The following CD96 variants were observed in gnomAD, a reference collection of about 807,000 sequenced individuals.
CD96 encodes the protein T-cell surface protein tactile.
In CD96, 70 loss-of-function variants were observed where a neutral mutation model predicts 71.3. That is an observed-to-expected ratio of 0.98 (90% CI 0.81 to 1.20). CD96 has a LOEUF of 1.20. Ranked by LOEUF, CD96 falls within the 50% of genes most tolerant of loss-of-function variation. The pLI, the probability that CD96 is intolerant of heterozygous loss-of-function variation, is 0.00. For synonymous variants in CD96, 248 were observed against 233.0 expected, an observed-to-expected ratio of 1.06 and a Z score of -0.59; for missense variants, 742 against 677.5, an observed-to-expected ratio of 1.10 and a Z score of -1.06.
At chr3:111,641,115 G>A (rs1194333848) in intron 12 of CD96, among the ~76,000 whole-genome samples, 1 of 152,110 alleles carries the variant, frequency 6.6e-6, no homozygotes, top group Non-Finnish European at 1.5e-5. Flanking sequence ...AGATAACAAA[G>A]AGCAAGATGA....
At chr3:111,658,755 A>G (rs899207760) in intron 14 of CD96, among the ~76,000 whole-genome samples, 1 of 152,224 alleles carries the variant, frequency 6.6e-6, no homozygotes, top group East Asian at 1.9e-4. Flanking sequence ...AGAATAACCA[A>G]ACTAAATCTA....
intron 8 of CD96, among the ~76,000 whole-genome samples, chr3:111,622,910 C>T (rs1171433192): frequency 6.6e-6 from 1 of 152,210 alleles, no homozygotes; most frequent in Non-Finnish European, 1.5e-5. Context: ...GGGCCCACAT[C>T]TACTAAGAGC....
At chr3:111,554,257 A>C (rs1160955518) in intron 2 of CD96, among the ~76,000 whole-genome samples, 1 of 151,990 alleles carries the variant, frequency 6.6e-6, no homozygotes, top group African/African-American at 2.4e-5. Context: ...CATGAACTCT[A>C]TCTCTATGAT....
Position 111,598,069 on chromosome 3 carries a change from T to C in CD96, c.808-51T>C, listed in dbSNP as rs775655099. On this transcript the variant is annotated intron_variant, in intron 5 of 13. Coordinates refer to ENST00000352690, the MANE Select transcript of CD96 (RefSeq NM_005816.5). ...ATGAATGTTAGTAAGTTGTAAGGAGTACCAGTTTCTTAGGAATTTGCAAAT... is the reference window on the plus strand; with the variant it reads ...ATGAATGTTAGTAAGTTGTAAGGAGCACCAGTTTCTTAGGAATTTGCAAAT... The C allele has an allele frequency of 1.5e-5, 12 of 817,352 alleles. No individual in the cohort carries two copies. In the Admixed American group the frequency reaches 2.0e-4, roughly 14 times the overall value. The allele number at this position is 817,352 out of a possible 1,614,324, so 50.6% of individuals were successfully genotyped here.
At chr3:111,616,813 T>C (rs1322733432) in intron 8 of CD96, among the ~76,000 whole-genome samples, 1 of 152,124 alleles carries the variant, frequency 6.6e-6, no homozygotes, top group Non-Finnish European at 1.5e-5. Flanking sequence ...TGCCCCCTAC[T>C]GACTTGGCAA....
At chr3:111,632,610 A>G (rs1318567650) in intron 10 of CD96, among the ~76,000 whole-genome samples, 5 of 152,218 alleles carry the variant, frequency 3.3e-5, no homozygotes, top group African/African-American at 4.8e-5. Flanking sequence ...CAGCAATCCC[A>G]TTACTGAGTG....
intron 12 of CD96, among the ~76,000 whole-genome samples, chr3:111,642,902 A>G (rs980342023): frequency 6.7e-6 from 1 of 148,580 alleles, no homozygotes; most frequent in African/African-American, 2.6e-5. Flanking sequence ...TTCAAAAAAG[A>G]ATTGGTACCA....
At chr3:111,575,410 G>T (rs1936177084) in intron 3 of CD96, among the ~76,000 whole-genome samples, 1 of 152,196 alleles carries the variant, frequency 6.6e-6, no homozygotes, top group African/African-American at 2.4e-5. Flanking sequence ...TGTAAATAAA[G>T]GCAGACTGTT....
chr3:111,554,213 T>C (rs1327558150), intron 2 of CD96, among the ~76,000 whole-genome samples: 1 of 152,110 alleles, frequency 6.6e-6, no homozygotes, highest in African/African-American at 2.4e-5. Flanking sequence ...TTTTCCCTTC[T>C]GTGATTCAAT....
intron 12 of CD96, among the ~76,000 whole-genome samples, chr3:111,639,667 G>A (rs1939503216): frequency 6.6e-6 from 1 of 152,154 alleles, no homozygotes; most frequent in South Asian, 2.1e-4. Context: ...CTGGCAGGAG[G>A]CCAACCAGCA....
At position 111,629,402 on chromosome 3, in the gene CD96, A is replaced by T. The variant is rs186998997; in HGVS notation, c.1321+4998A>T. On this transcript the variant is annotated intron_variant, in intron 10 of 13. Transcript: ENST00000352690. ...AAGCATACTTTAAACCAACAAAGAT[A>T]AAAAAAAAAGACAAAGAAGAGCATT... Among the ~76,000 whole-genome samples the T allele has an allele frequency of 2.9e-3, 429 of 148,296 alleles. 3 individuals carry two copies. Among genetic ancestry groups the T allele is most frequent in the Non-Finnish European group, 4.0e-3 (266 of 66,494 alleles).
In CD96 at chr3:111,612,925, C is replaced by T. The variant is rs531659764; in HGVS notation, c.1180+6133C>T. 1.7e-4 allele frequency: 55 copies of T among 316,674 alleles called. No homozygotes were observed. In the Admixed American group the frequency reaches 2.9e-3, roughly 17 times the overall value. The allele number at this position is 316,674 out of a possible 1,614,324, so 19.6% of individuals were successfully genotyped here. A position where few individuals can be genotyped will look rare whatever the true frequency, so the allele number is the denominator to read the frequency against. ...CCCTCCTGCATCTGTAGCCCACCCC[C>T]GCCATCAACACTATTATCATATAAT... On this transcript the variant is annotated intron_variant, in intron 8 of 13. Coordinates refer to ENST00000352690, the MANE Select transcript of CD96 (RefSeq NM_005816.5).
intron 3 of CD96, among the ~76,000 whole-genome samples, chr3:111,578,729 T>G (rs1039471646): frequency 6.6e-6 from 1 of 152,228 alleles, no homozygotes; most frequent in Non-Finnish European, 1.5e-5. Flanking sequence ...CCATTAGTCC[T>G]GCCCATTCCA....
At chr3:111,614,928 A>T (rs954402289) in intron 8 of CD96, among the ~76,000 whole-genome samples, 1 of 152,216 alleles carries the variant, frequency 6.6e-6, no homozygotes, top group Non-Finnish European at 1.5e-5. Flanking sequence ...CCTGATGCAC[A>T]GGACCCTTCA....
intron 12 of CD96, among the ~76,000 whole-genome samples, chr3:111,640,166 T>C (rs190695678): frequency 1.8e-3 from 278 of 152,180 alleles, no homozygotes; most frequent in Non-Finnish European, 3.1e-3. Context: ...ATTCAGGAGA[T>C]TAGTTATTTA....
At chr3:111,552,863 G>A (rs1382018675) in intron 2 of CD96, among the ~76,000 whole-genome samples, 1 of 151,992 alleles carries the variant, frequency 6.6e-6, no homozygotes, top group African/African-American at 2.4e-5. Flanking sequence ...TTTAATTGTG[G>A]AAAACTCTAA....
chr3:111,552,408 C>G (rs1200185482), intron 2 of CD96, among the ~76,000 whole-genome samples: 1 of 152,126 alleles, frequency 6.6e-6, no homozygotes, highest in Non-Finnish European at 1.5e-5. Flanking sequence ...AGACACCAAA[C>G]CTGCCGATGT....
At chr3:111,594,057 T>C in intron 5 of CD96, 1 of 1,614,140 alleles carries the variant, frequency 6.2e-7, no homozygotes, top group South Asian at 1.1e-5. Context: ...GTGCCCTTGT[T>C]GTGGGGCATT....
chr3:111,599,665 G>C (rs1264135048), intron 6 of CD96, among the ~76,000 whole-genome samples: 1 of 151,834 alleles, frequency 6.6e-6, no homozygotes, highest in Non-Finnish European at 1.5e-5. Flanking sequence ...AGGTTGCAGT[G>C]AACCAAGATT....
Sources: allele counts gnomAD v4.1 joint callset (sites outside exome capture counted in the v4.1 genomes callset), GRCh38; gene constraint gnomAD v4.1.1; transcripts MANE v1.5; gene names NCBI Gene and HGNC (gene_info 2026-07-23, HGNC 2026-07-21).